Variants in HECW2 observed in about 807,000 individuals in gnomAD.
HECW2 encodes the protein E3 ubiquitin-protein ligase HECW2.
A neutral mutation model predicts 175.2 loss-of-function variants in HECW2; 61 were observed. The ratio of observed to expected loss-of-function variants is 0.35; its 90% confidence interval spans 0.28 to 0.43. The LOEUF (loss-of-function observed/expected upper bound fraction) is 0.43, where lower values mean the gene tolerates loss of function less well. Ranked by LOEUF, HECW2 falls within the 20% of genes least tolerant of loss-of-function variation. HECW2 has a pLI of 1.00. For missense variants in HECW2, 1,524 were observed against 2,000.5 expected (o/e 0.76, Z 4.54); for synonymous variants, 671 against 731.0 (o/e 0.92, Z 1.32).
chr2:196,527,606 C>G (rs1339909505), intron 1 of HECW2, among the ~76,000 whole-genome samples: 2 of 152,228 alleles, frequency 1.3e-5, no homozygotes, highest in African/African-American at 4.8e-5. Context: ...GAAAACCTTC[C>G]TGGAGTGTCA....
intron 10 of HECW2, chr2:196,316,279 C>T (rs1323289896): frequency 6.6e-6 from 1 of 152,190 alleles, no homozygotes; most frequent in Non-Finnish European, 1.5e-5. Flanking sequence ...TTGATAAACT[C>T]TTCATAGTAC....
At chr2:196,258,356 T>C (rs1689149456) in intron 17 of HECW2, among the ~76,000 whole-genome samples, 1 of 152,192 alleles carries the variant, frequency 6.6e-6, no homozygotes, top group African/African-American at 2.4e-5. Context: ...GATGAGCTCA[T>C]TCCTAATTGG....
intron 19 of HECW2, among the ~76,000 whole-genome samples, chr2:196,251,950 G>C (rs887524676): frequency 1.3e-5 from 2 of 151,984 alleles, no homozygotes; most frequent in African/African-American, 4.8e-5. Flanking sequence ...TGTAATACCA[G>C]CACTTTGGGA....
At chr2:196,409,809 A>T (rs989426839) in intron 2 of HECW2, among the ~76,000 whole-genome samples, 2 of 152,176 alleles carry the variant, frequency 1.3e-5, no homozygotes, top group Non-Finnish European at 2.9e-5. Context: ...GAAGATTTTT[A>T]AAAAGCACAT....
intron 2 of HECW2, among the ~76,000 whole-genome samples, chr2:196,367,425 A>C (rs1425295486): frequency 6.6e-6 from 1 of 152,216 alleles, no homozygotes; most frequent in African/African-American, 2.4e-5. Flanking sequence ...TACAATGCAT[A>C]ATAATCACAT....
chr2:196,221,126 AG>A (rs1575242521), intron 24 of HECW2, among the ~76,000 whole-genome samples, 185 bp from the exon 25 acceptor site: 1 of 152,182 alleles, frequency 6.6e-6, no homozygotes, highest in Non-Finnish European at 1.5e-5. Context: ...ATAGGCATTG[AG>A]GGGGTGCTTG....
rs184841838 is a variant in HECW2 at position 196,251,126 on chromosome 2, A to C, written c.3529+2794T>G. On this transcript the variant is annotated intron_variant, in intron 19 of 28. Coordinates refer to ENST00000644978, the MANE Select transcript of HECW2 (RefSeq NM_001348768.2). ...ATGATCATGGCTCCCTGCAGGCTTG[A>C]CCTTCTGAGCCCAAGTAACCCTCCC... 2.0e-3 allele frequency among the ~76,000 whole-genome samples: 298 copies of C among 151,876 alleles called. 2 individuals are homozygous for C. Among genetic ancestry groups the C allele is most frequent in the Non-Finnish European group, 6.9e-4 (47 of 67,916 alleles).
At chr2:196,427,640 T>C (rs1373301960) in intron 2 of HECW2, among the ~76,000 whole-genome samples, 3 of 152,150 alleles carry the variant, frequency 2.0e-5, no homozygotes, top group Non-Finnish European at 4.4e-5. Context: ...AATAGCACTG[T>C]TAAATTTGTG....
At chr2:196,547,694 G>A (rs369817011) in intron 1 of HECW2, among the ~76,000 whole-genome samples, 4 of 152,324 alleles carry the variant, frequency 2.6e-5, no homozygotes, top group African/African-American at 9.6e-5. Flanking sequence ...ACAGTCAAGA[G>A]ATAAGCAATA....
intron 1 of HECW2, among the ~76,000 whole-genome samples, chr2:196,526,597 A>C (rs1336571562): frequency 6.8e-6 from 1 of 146,028 alleles, no homozygotes; most frequent in Non-Finnish European, 1.5e-5. Flanking sequence ...TTTTTTCCCC[A>C]TCTTTGTGGT....
intron 26 of HECW2, chr2:196,218,357 T>C (rs749111881): frequency 1.3e-5 from 2 of 152,184 alleles, no homozygotes; most frequent in Non-Finnish European, 2.9e-5. Flanking sequence ...TGAGCAAACA[T>C]GGCAGCTGAG....
chr2:196,509,118 T>G (rs547861491), intron 1 of HECW2, among the ~76,000 whole-genome samples: 91 of 151,356 alleles, frequency 6.0e-4, no homozygotes, highest in Admixed American at 1.6e-3. Flanking sequence ...GGATTGTGGG[T>G]TTTTTTTTAA....
chr2:196,292,240 A>T, intron 14 of HECW2: 1 of 220,022 alleles, frequency 4.5e-6, no homozygotes, highest in Non-Finnish European at 8.9e-6. Context: ...AAGCTGTATC[A>T]CTAGGGATAA....
intron 1 of HECW2, among the ~76,000 whole-genome samples, chr2:196,433,723 G>A (rs761297901): frequency 5.9e-5 from 9 of 152,154 alleles, no homozygotes; most frequent in Non-Finnish European, 1.2e-4. Context: ...CAATCAAGGA[G>A]GAGAGGATTT....
In HECW2 at chr2:196,197,380, A is replaced by G. The variant is rs2105742112; in HGVS notation, c.*3897T>C. 1 of 151,258 alleles carries G rather than the reference A, an allele frequency of 6.6e-6. No individual in the cohort carries two copies. The highest frequency in any genetic ancestry group is 2.4e-5 in the African/African-American group (1 of 41,186). 9.4% of individuals were successfully genotyped at this position (151,258 alleles called of 1,614,324 possible). On this transcript the variant is annotated 3_prime_UTR_variant, in exon 29 of 29. Coordinates refer to ENST00000644978, the MANE Select transcript of HECW2 (RefSeq NM_001348768.2). ...ATCCATCCCTATTAAAAATTTAAAA[A>G]TAAAATAAGGCTTCTGATTAATGTT...
At chr2:196,213,524 T>A (rs1687364746) in intron 28 of HECW2, among the ~76,000 whole-genome samples, 1 of 152,144 alleles carries the variant, frequency 6.6e-6, no homozygotes. Flanking sequence ...CTCTTTCTTC[T>A]CATCAGACCC....
chr2:196,256,110 A>T (rs1190330455), intron 18 of HECW2, among the ~76,000 whole-genome samples: 1 of 152,000 alleles, frequency 6.6e-6, no homozygotes, highest in Non-Finnish European at 1.5e-5. Context: ...CATGAATAAA[A>T]CCCCAAATTT....
chr2:196,461,827 C>T (rs1208326687), intron 1 of HECW2, among the ~76,000 whole-genome samples: 1 of 152,090 alleles, frequency 6.6e-6, no homozygotes, highest in East Asian at 1.9e-4. Flanking sequence ...CCACCTCCAC[C>T]TGGTCTCTCG....
At chr2:196,371,072 G>C (rs1693895997) in intron 2 of HECW2, among the ~76,000 whole-genome samples, 1 of 152,098 alleles carries the variant, frequency 6.6e-6, no homozygotes, top group South Asian at 2.1e-4. Flanking sequence ...TACTGTAAGA[G>C]GACAATCAGT....
Sources: gnomAD v4.1 joint callset for allele counts (sites outside exome capture counted in the v4.1 genomes callset) on GRCh38, gnomAD v4.1.1 for gene constraint, MANE v1.5 for transcripts, NCBI Gene and HGNC (gene_info 2026-07-23, HGNC 2026-07-21) for gene names.